The following MAP3K7CL variants were observed in gnomAD, a reference collection of about 807,000 sequenced individuals.
MAP3K7CL encodes MAP3K7 C-terminal-like protein.
MAP3K7CL carries 16 observed loss-of-function variants against 18.6 expected under a neutral mutation model. The ratio of observed to expected loss-of-function variants is 0.86; its 90% CI spans 0.58 to 1.31. The LOEUF is 1.31. Among genes scored for constraint, MAP3K7CL ranks in the 50% most tolerant of loss-of-function variants. The probability of loss-of-function intolerance (pLI) is 0.00; values close to 1 mark genes in which losing one functional copy is unlikely to be tolerated. For synonymous variants in MAP3K7CL, 65 were observed against 66.8 expected, an observed-to-expected ratio of 0.97 and a Z score of 0.13; for missense variants, 163 against 174.4, an observed-to-expected ratio of 0.93 and a Z score of 0.37.
intron 1 of MAP3K7CL, chr21:29,091,356 G>A: frequency 2.0e-6 from 1 of 488,792 alleles, no homozygotes; most frequent in Non-Finnish European, 3.6e-6. Flanking sequence ...TTAAAAAATA[G>A]AATGTTTTTA....
intron 1 of MAP3K7CL, chr21:29,091,367 G>T: frequency 4.5e-5 from 23 of 514,458 alleles, no homozygotes; most frequent in East Asian, 6.8e-5. Context: ...AATGTTTTTA[G>T]CCAGTTGATT....
chr21:29,170,981 T>C (rs922435693), intron 4 of MAP3K7CL, among the ~76,000 whole-genome samples: 9 of 151,800 alleles, frequency 5.9e-5, no homozygotes, highest in Non-Finnish European at 1.5e-5. Flanking sequence ...TACTCATTAA[T>C]GTTTAAAAAT....
intron 4 of MAP3K7CL, among the ~76,000 whole-genome samples, chr21:29,110,635 G>T (rs771713544): frequency 3.7e-4 from 56 of 152,034 alleles, no homozygotes; most frequent in Non-Finnish European, 7.2e-4. Flanking sequence ...GATCTCAAAT[G>T]ATCCACCCCC....
intron 4 of MAP3K7CL, among the ~76,000 whole-genome samples, chr21:29,160,309 A>C (rs1015964524): frequency 6.6e-6 from 1 of 152,124 alleles, no homozygotes; most frequent in Non-Finnish European, 1.5e-5. Context: ...CCAAAATACC[A>C]CCCAAAACCA....
chr21:29,172,326 T>C (rs1387344490), intron 4 of MAP3K7CL, among the ~76,000 whole-genome samples: 1 of 151,110 alleles, frequency 6.6e-6, no homozygotes, highest in East Asian at 1.9e-4. Flanking sequence ...TTTTGTAGAA[T>C]TTCCCTGAAT....
At chr21:29,111,211 A>C (rs1446932221) in intron 4 of MAP3K7CL, among the ~76,000 whole-genome samples, 2 of 151,912 alleles carry the variant, frequency 1.3e-5, no homozygotes, top group Non-Finnish European at 2.9e-5. Flanking sequence ...AGCCGAGATC[A>C]CACCACTGCA....
intron 4 of MAP3K7CL, among the ~76,000 whole-genome samples, chr21:29,114,671 A>G (rs1174523520): frequency 6.6e-6 from 1 of 152,222 alleles, no homozygotes; most frequent in East Asian, 1.9e-4. Context: ...GATTACAGGC[A>G]TGAGCCACTG....
intron 3 of MAP3K7CL, among the ~76,000 whole-genome samples, chr21:29,157,235 A>G (rs1255770709): frequency 1.3e-5 from 2 of 152,198 alleles, no homozygotes; most frequent in Non-Finnish European, 2.9e-5. Flanking sequence ...GAACTTTTTC[A>G]TCTTGCAAAA....
intron 4 of MAP3K7CL, among the ~76,000 whole-genome samples, chr21:29,104,891 C>T (rs188005631): frequency 4.7e-4 from 71 of 152,330 alleles, no homozygotes; most frequent in Admixed American, 4.1e-3. Flanking sequence ...GGACACAGGC[C>T]TAGCTTTGCC....
chr21:29,078,125 C>T (rs1277033935), intron 1 of MAP3K7CL, among the ~76,000 whole-genome samples: 1 of 152,042 alleles, frequency 6.6e-6, no homozygotes, highest in East Asian at 1.9e-4. Flanking sequence ...TCCCAATTCC[C>T]ATTAAATCCT....
intron 1 of MAP3K7CL, among the ~76,000 whole-genome samples, chr21:29,089,193 A>AAAAAAAAAG (rs2085978700): frequency 7.3e-6 from 1 of 136,846 alleles, no homozygotes; most frequent in Non-Finnish European, 1.6e-5. Context: ...AAAAAAAAAA[A>AAAAAAAAAG]AAAAAAAAGA....
chr21:29,115,487 A>G (rs574217473), intron 4 of MAP3K7CL, among the ~76,000 whole-genome samples: 6 of 152,328 alleles, frequency 3.9e-5, no homozygotes, highest in Non-Finnish European at 5.9e-5. Flanking sequence ...CTCCAGAGTT[A>G]TCCCTGAGTG....
intron 4 of MAP3K7CL, among the ~76,000 whole-genome samples, chr21:29,104,797 T>C (rs906227991): frequency 1.3e-5 from 2 of 152,228 alleles, no homozygotes; most frequent in Non-Finnish European, 2.9e-5. Flanking sequence ...CCTCGTTAGC[T>C]GAGGTGGATT....
chr21:29,162,683 CA>C (rs34759620), intron 4 of MAP3K7CL, among the ~76,000 whole-genome samples: 52,208 of 122,322 alleles, frequency 0.43, 9,432 homozygotes, highest in East Asian at 0.69. Context: ...AACTCTGTCT[CA>C]AAAAAAAAAA....
Position 29,149,195 on chromosome 21 carries a change from C to T in MAP3K7CL, c.77C>T (p.Thr26Ile), listed in dbSNP as rs1205310183. ...TTTTATTTCCTTGTTTTAGATGATA[C>T]ACCCCCTGAAGACTCCATTCCTTTG... ...AFSLNDASDD[T>I]PPEDSIPLVF... Residue 26 changes from threonine (T) to isoleucine (I), a missense_variant, in exon 3 of 5, where the codon ACA (threonine) becomes ATA (isoleucine). By Grantham distance (89) the Thr-to-Ile change is moderately conservative (BLOSUM62 -1). Coordinates refer to ENST00000399928, the MANE Select transcript of MAP3K7CL (RefSeq NM_001286620.2). The T allele has an allele frequency of 1.2e-5, 20 of 1,613,600 alleles. 1 individual carries two copies. Among genetic ancestry groups the T allele is most frequent in the Middle Eastern group, 3.3e-4 (2 of 6,084 alleles).
At chr21:29,102,912 A>C (rs536935844) in intron 4 of MAP3K7CL, among the ~76,000 whole-genome samples, 2 of 152,242 alleles carry the variant, frequency 1.3e-5, no homozygotes, top group South Asian at 4.2e-4. Flanking sequence ...TAAATGAGTC[A>C]TCTTGGAAGC....
chr21:29,089,037 G>A (rs1206565840), intron 1 of MAP3K7CL, among the ~76,000 whole-genome samples: 2 of 152,044 alleles, frequency 1.3e-5, no homozygotes, highest in Non-Finnish European at 2.9e-5. Flanking sequence ...AGATGTGGTG[G>A]TGCATGCCTG....
chr21:29,109,108 A>T, intron 4 of MAP3K7CL: 3 of 1,535,326 alleles, frequency 2.0e-6, no homozygotes, highest in Non-Finnish European at 2.6e-6. Context: ...CCAAATTATG[A>T]AGACCACCTG....
intron 3 of MAP3K7CL, among the ~76,000 whole-genome samples, chr21:29,157,416 G>A (rs1700686972): frequency 6.6e-6 from 1 of 152,158 alleles, no homozygotes; most frequent in Non-Finnish European, 1.5e-5. Context: ...TGGAACATTT[G>A]AAGTGGTGCT....
Sources: gnomAD v4.1 joint callset for allele counts (sites outside exome capture counted in the v4.1 genomes callset) on GRCh38, gnomAD v4.1.1 for gene constraint, MANE v1.5 for transcripts, NCBI Gene and HGNC (gene_info 2026-07-23, HGNC 2026-07-21) for gene names.